Variants in NR4A1 observed in about 807,000 individuals in gnomAD.
NR4A1 encodes nuclear receptor subfamily 4immunitygroup A member 1.
In NR4A1, 24 loss-of-function variants were observed where a neutral mutation model predicts 47.5. The ratio of observed to expected loss-of-function variants is 0.50; its 90% CI spans 0.37 to 0.71. The LOEUF (loss-of-function observed/expected upper bound fraction) is 0.71, where lower values mean the gene tolerates loss of function less well. Ranked by LOEUF, NR4A1 falls within the 30% of genes least tolerant of loss-of-function variation. The pLI is 0.00. For synonymous variants in NR4A1, 353 were observed against 345.7 expected, an observed-to-expected ratio of 1.02 and a Z score of -0.24; for missense variants, 669 against 788.6, an observed-to-expected ratio of 0.85 and a Z score of 1.82.
chr12:52,043,819 A>G, intron 2 of NR4A1: 1 of 1,288,590 alleles, frequency 7.8e-7, no homozygotes, highest in Non-Finnish European at 1.0e-6. Flanking sequence ...TGAGACCACC[A>G]GGAAGAGCCC....
At position 52,057,369 on chromosome 12, in the gene NR4A1, G is replaced by C; in HGVS notation, c.1379G>C (p.Gly460Ala). The C allele has an allele frequency of 6.2e-7, 1 of 1,614,212 alleles. No homozygotes were observed. Among genetic ancestry groups the C allele is most frequent in the Non-Finnish European group, 8.5e-7 (1 of 1,180,042 alleles). ...CCTGCCAGGTCTAAGCCAGGCGAGG[G>C]CAAGCTCATCTTCTGCTCAGGCCTG... ...RLAYRSKPGE[G>A]KLIFCSGLVL... The change falls in exon 6 of 7, where the codon GGC (glycine) becomes GCC (alanine). Residue 460 changes from glycine to alanine, a missense_variant. Gly to Ala is a moderately conservative substitution (Grantham distance 60, BLOSUM62 0). Coordinates refer to ENST00000394825, the MANE Select transcript of NR4A1 (RefSeq NM_173157.3).
intron 1 of NR4A1, chr12:52,037,769 G>A (rs1169029308): frequency 3.0e-6 from 3 of 985,390 alleles, no homozygotes; most frequent in Non-Finnish European, 3.6e-6. Flanking sequence ...CGTCTGCCAG[G>A]AGACCCAGCC....
At chr12:52,036,281 TCTTAC>T (rs2120940805) in intron 1 of NR4A1, among the ~76,000 whole-genome samples, 1 of 151,850 alleles carries the variant, frequency 6.6e-6, no homozygotes, top group Non-Finnish European at 1.5e-5. Context: ...CCAGGAAAAT[TCTTAC>T]CATGGAAGCC....
intron 1 of NR4A1, among the ~76,000 whole-genome samples, chr12:52,029,065 C>T (rs1002120062): frequency 1.3e-5 from 2 of 152,168 alleles, no homozygotes; most frequent in Non-Finnish European, 1.5e-5. Context: ...ACTCTGATTC[C>T]AGGACCTTCT....
intron 2 of NR4A1, chr12:52,043,620 A>G: frequency 1.8e-6 from 2 of 1,094,718 alleles, no homozygotes; most frequent in South Asian, 3.2e-5. Context: ...GGCCAAAGTC[A>G]GGTCCAGTCA....
At chr12:52,051,750 A>C (rs1938964584) in intron 1 of NR4A1, among the ~76,000 whole-genome samples, 182 bp downstream of exon 1, 1 of 151,976 alleles carries the variant, frequency 6.6e-6, no homozygotes, top group Non-Finnish European at 1.5e-5. Flanking sequence ...GCGGGGTAGG[A>C]GGTAGGGGAG....
upstream of NR4A1, among the ~76,000 whole-genome samples, chr12:52,047,265 A>G (rs1938685162): frequency 6.6e-6 from 1 of 152,196 alleles, no homozygotes; most frequent in Admixed American, 6.5e-5. Context: ...GTCTGGGACC[A>G]GCATTTGTTT....
Position 52,054,319 on chromosome 12 carries a change from C to CT in NR4A1, c.-2-7dup, listed in dbSNP as rs1459102345. 1.3e-6 allele frequency: 2 copies of CT among 1,593,456 alleles called. No homozygotes were observed. Among genetic ancestry groups the CT allele is most frequent in the Non-Finnish European group, 1.7e-6 (2 of 1,167,592 alleles). ...CCTTTCCCTCCCTGGGGTCTCCTCTCTCTCCAGAGATGCCCTGTATCCAAG... is the reference window on the plus strand; with the variant it reads ...CCTTTCCCTCCCTGGGGTCTCCTCTCTTCTCCAGAGATGCCCTGTATCCAAG... On this transcript the variant is annotated splice_polypyrimidine_tract_variant and splice_region_variant and intron_variant, in intron 1 of 6. Coordinates refer to ENST00000394825, the MANE Select transcript of NR4A1 (RefSeq NM_173157.3).
At chr12:52,037,699 A>G (rs1938288243) in intron 1 of NR4A1, 12 of 985,486 alleles carry the variant, frequency 1.2e-5, no homozygotes, top group South Asian at 4.7e-5. Flanking sequence ...TGGCCAGGCC[A>G]GAGAAATTCC....
In NR4A1 at chr12:52,054,851, G is replaced by A. The variant is rs1939171244; in HGVS notation, c.523G>A (p.Glu175Lys). ...TTACGAAGGCCTGCGGGCATGGACAGAGCAGCTGCCCAAAGCCTCTGGGCC... is the reference window on the plus strand; with the variant it reads ...TTACGAAGGCCTGCGGGCATGGACAAAGCAGCTGCCCAAAGCCTCTGGGCC... ...QTYEGLRAWT[E>K]QLPKASGPPQ... The change falls in exon 2 of 7, where the codon GAG becomes AAG. Residue 175 changes from glutamate (E) to lysine (K), a missense_variant. Coordinates refer to ENST00000394825, the MANE Select transcript of NR4A1 (RefSeq NM_173157.3). 5.0e-6 allele frequency: 8 copies of A among 1,613,944 alleles called. No individual in the cohort carries two copies. Among genetic ancestry groups the A allele is most frequent in the East Asian group, 2.2e-5 (1 of 44,870 alleles).
intron 1 of NR4A1, chr12:52,053,642 C>G (rs890149886): frequency 3.3e-5 from 5 of 152,358 alleles, no homozygotes; most frequent in Non-Finnish European, 5.9e-5. Context: ...GGCTTCCCAG[C>G]CCCAGATGGC....
At chr12:52,043,856 G>A (rs762938628) in intron 2 of NR4A1, 7 of 1,289,150 alleles carry the variant, frequency 5.4e-6, no homozygotes, top group South Asian at 4.9e-5. Flanking sequence ...TTCTCCCTTC[G>A]TGCGGTTGTC....
exon 2 of NR4A1, chr12:52,041,811 C>A: frequency 7.1e-7 from 1 of 1,399,634 alleles, no homozygotes; most frequent in Non-Finnish European, 9.3e-7. Flanking sequence ...CCTCTGTAGG[C>A]CTCCACCATG....
At chr12:52,037,288 G>A in intron 1 of NR4A1, 2 of 764,570 alleles carry the variant, frequency 2.6e-6, no homozygotes. Flanking sequence ...AGGAGGAGGT[G>A]GCGGCGGCGG....
chr12:52,041,848 A>C (rs138157115), exon 2 of NR4A1: 52,529 of 1,509,644 alleles, frequency 0.035, 993 homozygotes, highest in Non-Finnish European at 0.04. Flanking sequence ...TGCCCCTCCC[A>C]GGCAGCCTGG....
chr12:52,030,873 C>T (rs546555280), intron 1 of NR4A1, among the ~76,000 whole-genome samples: 9 of 152,322 alleles, frequency 5.9e-5, no homozygotes, highest in South Asian at 2.1e-4. Flanking sequence ...GCTCCTCTCG[C>T]GCATCCCCAG....
intron 1 of NR4A1, among the ~76,000 whole-genome samples, chr12:52,026,398 G>T (rs1386603531): frequency 6.6e-6 from 1 of 152,220 alleles, no homozygotes; most frequent in Non-Finnish European, 1.5e-5. Context: ...CTTATTAGGA[G>T]CCAAGGCAGA....
At chr12:52,053,176 C>T (rs1028747623) in intron 1 of NR4A1, among the ~76,000 whole-genome samples, 1 of 152,090 alleles carries the variant, frequency 6.6e-6, no homozygotes, top group African/African-American at 2.4e-5. Context: ...GGAGACTGTC[C>T]TGGAGCCTCC....
chr12:52,042,483 A>G (rs1015770927), intron 2 of NR4A1, among the ~76,000 whole-genome samples: 1 of 152,106 alleles, frequency 6.6e-6, no homozygotes, highest in South Asian at 2.1e-4. Flanking sequence ...ATGGGAAGGC[A>G]GGGACAGCCC....
Sources: gnomAD v4.1 joint callset for allele counts (sites outside exome capture counted in the v4.1 genomes callset) on GRCh38, gnomAD v4.1.1 for gene constraint, MANE v1.5 for transcripts, NCBI Gene and HGNC (gene_info 2026-07-23, HGNC 2026-07-21) for gene names.